The following FOXP2 variants were observed in gnomAD, a reference collection of about 807,000 sequenced individuals.
FOXP2 encodes the protein forkhead box protein P2.
FOXP2 carries 12 observed loss-of-function variants against 115.8 expected under a neutral mutation model. That is an observed-to-expected ratio of 0.10 (90% confidence interval 0.07 to 0.17). The LOEUF is 0.17. FOXP2 is among the 10% of genes least tolerant of loss of function. The pLI, the probability that FOXP2 is intolerant of heterozygous loss-of-function variation, is 1.00. For missense variants in FOXP2, 629 were observed against 843.5 expected (o/e 0.75, Z 3.15); for synonymous variants, 328 against 297.7 (o/e 1.10, Z -1.05).
chr7:114,302,483 A>G (rs146164582), intron 2 of FOXP2, among the ~76,000 whole-genome samples: 1 of 152,202 alleles, frequency 6.6e-6, no homozygotes, highest in African/African-American at 2.4e-5. Context: ...ACTATCATTT[A>G]TTCCATTTTA....
At chr7:114,556,423 C>G (rs1447402525) in intron 3 of FOXP2, among the ~76,000 whole-genome samples, 1 of 152,162 alleles carries the variant, frequency 6.6e-6, no homozygotes, top group Non-Finnish European at 1.5e-5. Context: ...CTACCACATC[C>G]TCCAGTCCCT....
At chr7:114,370,248 T>C (rs899360618) in intron 2 of FOXP2, among the ~76,000 whole-genome samples, 3 of 152,218 alleles carry the variant, frequency 2.0e-5, no homozygotes, top group African/African-American at 7.2e-5. Flanking sequence ...GTCTTCTCAT[T>C]AGATGTACTT....
intron 2 of FOXP2, among the ~76,000 whole-genome samples, chr7:114,438,483 T>A (rs1794451639): frequency 6.6e-6 from 1 of 151,972 alleles, no homozygotes; most frequent in East Asian, 1.9e-4. Context: ...TAAAGTCATA[T>A]TATCCTATGG....
chr7:114,220,690 G>T (rs1192680458), intron 1 of FOXP2, among the ~76,000 whole-genome samples: 1 of 151,988 alleles, frequency 6.6e-6, no homozygotes, highest in Non-Finnish European at 1.5e-5. Context: ...TCCTATTCAA[G>T]AATTTTTTAG....
chr7:114,271,965 TATATATAATATAATTATATATA>T (rs968061860), intron 1 of FOXP2, among the ~76,000 whole-genome samples: 1 of 133,074 alleles, frequency 7.5e-6, no homozygotes, highest in African/African-American at 2.8e-5. Context: ...TTATATTAAT[TATATATAATATAATTATATATA>T]ATATATAATA....
intron 16 of FOXP2, among the ~76,000 whole-genome samples, chr7:114,675,041 A>G (rs1807685222): frequency 6.6e-6 from 1 of 152,138 alleles, no homozygotes. Flanking sequence ...AAACTAAAAC[A>G]TTGCCCAAGT....
rs190207199 is a variant in FOXP2 at position 114,132,450 on chromosome 7, A to G, written c.-246-30494A>G. On this transcript the variant is annotated intron_variant, in intron 1 of 19. Transcript: ENST00000635638. ...CTTATCTTCTGCAGTCTGTGTTCTC[A>G]TGAGGGGAAACTGACAAATAAATCT... is the stretch of plus-strand genomic sequence containing the variant. Among the ~76,000 whole-genome samples, 66 of 152,224 alleles carry G rather than the reference A, an allele frequency of 4.3e-4. No homozygotes were observed. The Middle Eastern group carries it at 0.017, about 39-fold the overall frequency.
At chr7:114,636,713 A>T (rs1446490719) in intron 6 of FOXP2, among the ~76,000 whole-genome samples, 1 of 152,074 alleles carries the variant, frequency 6.6e-6, no homozygotes, top group African/African-American at 2.4e-5. Flanking sequence ...GATAAGTAAA[A>T]ATCATCTTAG....
chr7:114,126,748 A>G (rs1275424312), intron 1 of FOXP2, among the ~76,000 whole-genome samples: 1 of 152,160 alleles, frequency 6.6e-6, no homozygotes, highest in Non-Finnish European at 1.5e-5. Flanking sequence ...ATGTGAAGGA[A>G]GGCATAGATC....
intron 1 of FOXP2, among the ~76,000 whole-genome samples, chr7:114,423,068 G>T (rs562881875): frequency 2.6e-5 from 4 of 151,796 alleles, no homozygotes; most frequent in African/African-American, 9.6e-5. Flanking sequence ...GATTATGGCT[G>T]CAAGAAATGG....
chr7:114,322,553 A>G (rs1392239922), intron 2 of FOXP2, among the ~76,000 whole-genome samples: 1 of 152,086 alleles, frequency 6.6e-6, no homozygotes, highest in Non-Finnish European at 1.5e-5. Context: ...TAAAGCACAT[A>G]TAGTTCCATT....
intron 16 of FOXP2, chr7:114,664,807 G>A (rs1207679822): frequency 3.7e-6 from 1 of 272,434 alleles, no homozygotes; most frequent in East Asian, 1.0e-4. Flanking sequence ...TTTTACTACT[G>A]TTACAGGTCT....
At chr7:114,176,929 CT>C in intron 1 of FOXP2, among the ~76,000 whole-genome samples, 1 of 152,096 alleles carries the variant, frequency 6.6e-6, no homozygotes, top group Non-Finnish European at 1.5e-5. Flanking sequence ...TAATTTTGAA[CT>C]TTATACAAAT....
At chr7:114,649,553 A>G (rs1282252728) in intron 8 of FOXP2, among the ~76,000 whole-genome samples, 1 of 152,054 alleles carries the variant, frequency 6.6e-6, no homozygotes, top group African/African-American at 2.4e-5. Flanking sequence ...AAAACATAAA[A>G]GAGAATAATT....
chr7:114,442,147 G>A (rs950216487), intron 2 of FOXP2, among the ~76,000 whole-genome samples: 1 of 152,002 alleles, frequency 6.6e-6, no homozygotes, highest in Non-Finnish European at 1.5e-5. Flanking sequence ...TATTATTCAG[G>A]AATAAAAAGG....
intron 2 of FOXP2, among the ~76,000 whole-genome samples, chr7:114,451,510 A>G (rs1795072341): frequency 6.6e-6 from 1 of 152,046 alleles, no homozygotes; most frequent in African/African-American, 2.4e-5. Flanking sequence ...TTAAATGATT[A>G]TAGTTTGTTC....
chr7:114,631,249 A>C (rs573995202), intron 5 of FOXP2, among the ~76,000 whole-genome samples: 4 of 152,316 alleles, frequency 2.6e-5, no homozygotes, highest in African/African-American at 9.6e-5. Context: ...TATCTACAAT[A>C]AGTAGATTTT....
intron 1 of FOXP2, among the ~76,000 whole-genome samples, chr7:114,214,617 A>T (rs1381187107): frequency 6.6e-6 from 1 of 152,152 alleles, no homozygotes. Context: ...AGGCTGATGT[A>T]CCTCAGGCTG....
intron 1 of FOXP2, among the ~76,000 whole-genome samples, chr7:114,141,817 G>T (rs1792218543): frequency 6.6e-6 from 1 of 152,156 alleles, no homozygotes. Flanking sequence ...TGGGCTACAG[G>T]TATAAAATAA....
Sources: gnomAD v4.1 joint callset for allele counts (sites outside exome capture counted in the v4.1 genomes callset) on GRCh38, gnomAD v4.1.1 for gene constraint, MANE v1.5 for transcripts, NCBI Gene and HGNC (gene_info 2026-07-23, HGNC 2026-07-21) for gene names.